The following OSBPL10 variants were observed in gnomAD, a reference collection of about 807,000 sequenced individuals.
OSBPL10 encodes the protein oxysterol binding protein like 10.
Under a neutral mutation model 81.7 loss-of-function variants are expected in OSBPL10, and 49 were observed. The ratio of observed to expected loss-of-function variants is 0.60; its 90% CI spans 0.48 to 0.76. OSBPL10 has a LOEUF of 0.76. Ranked by LOEUF, OSBPL10 falls within the 30% of genes least tolerant of loss-of-function variation. OSBPL10 has a pLI of 0.00. For synonymous variants in OSBPL10, 419 were observed against 383.6 expected (o/e 1.09, Z -1.08); for missense variants, 923 against 987.8 (o/e 0.93, Z 0.88).
chr3:31,723,493 C>T (rs1321408213), intron 6 of OSBPL10, among the ~76,000 whole-genome samples: 2 of 151,460 alleles, frequency 1.3e-5, no homozygotes, highest in Non-Finnish European at 2.9e-5. Flanking sequence ...AAAACACTGC[C>T]AGAACTTAAA....
chr3:31,914,241 C>T (rs190572452), intron 1 of OSBPL10, among the ~76,000 whole-genome samples: 371 of 152,148 alleles, frequency 2.4e-3, no homozygotes, highest in Non-Finnish European at 4.0e-3. Context: ...ATTTTTAAGA[C>T]GGTCCTAACC....
intron 2 of OSBPL10, 33 bp from the exon 3 acceptor site, chr3:31,876,545 G>A (rs1386095527): frequency 6.4e-7 from 1 of 1,565,200 alleles, no homozygotes; most frequent in South Asian, 1.1e-5. Flanking sequence ...AGAAATGATT[G>A]CAGAGATTGT....
intron 2 of OSBPL10, among the ~76,000 whole-genome samples, chr3:32,012,866 A>G (rs557430037): frequency 1.7e-4 from 26 of 152,332 alleles, no homozygotes; most frequent in African/African-American, 6.0e-4. Context: ...ATAATGGTAA[A>G]GGGATCAATT....
chr3:31,777,714 A>C (rs1170232700), intron 4 of OSBPL10, among the ~76,000 whole-genome samples: 1 of 152,242 alleles, frequency 6.6e-6, no homozygotes, highest in Non-Finnish European at 1.5e-5. Context: ...GTGAGGGGAG[A>C]AACCTGCCTC....
chr3:31,698,097 T>TCA (rs1250443791), intron 7 of OSBPL10, among the ~76,000 whole-genome samples: 4 of 152,146 alleles, frequency 2.6e-5, no homozygotes, highest in African/African-American at 4.8e-5. Context: ...CCCCTGCTGT[T>TCA]CACACCCTAG....
At chr3:31,959,662 C>T (rs934892776) in intron 1 of OSBPL10, among the ~76,000 whole-genome samples, 23 of 152,188 alleles carry the variant, frequency 1.5e-4, no homozygotes, top group African/African-American at 5.6e-4. Flanking sequence ...TTTAGCATCA[C>T]CTTTCTGGAG....
intron 1 of OSBPL10, among the ~76,000 whole-genome samples, chr3:31,905,895 GA>G (rs59527757): frequency 4.5e-4 from 65 of 144,398 alleles, no homozygotes; most frequent in Admixed American, 1.0e-3. Flanking sequence ...CTCAAAGAAG[GA>G]AAAAAAAAAA....
At chr3:31,835,207 C>T (rs532729832) in intron 3 of OSBPL10, among the ~76,000 whole-genome samples, 2 of 152,256 alleles carry the variant, frequency 1.3e-5, no homozygotes, top group South Asian at 4.2e-4. Context: ...AAAAAAAATG[C>T]TCTTAAAATA....
intron 8 of OSBPL10, among the ~76,000 whole-genome samples, chr3:31,674,864 G>A (rs1031064635): frequency 6.6e-6 from 1 of 152,180 alleles, no homozygotes; most frequent in African/African-American, 2.4e-5. Flanking sequence ...CCATCCTCTC[G>A]AGTGTACTGT....
At chr3:31,840,684 C>T (rs747709535) in intron 3 of OSBPL10, among the ~76,000 whole-genome samples, 30 of 152,220 alleles carry the variant, frequency 2.0e-4, no homozygotes, top group Non-Finnish European at 3.8e-4. Flanking sequence ...AGGCAATTTT[C>T]CTAAAAACAC....
At chr3:31,921,674 G>A (rs1211261751) in intron 1 of OSBPL10, among the ~76,000 whole-genome samples, 1 of 152,148 alleles carries the variant, frequency 6.6e-6, no homozygotes, top group Non-Finnish European at 1.5e-5. Flanking sequence ...GCAAATAAAT[G>A]ATGTAAAACC....
chr3:32,023,233 T>C (rs1383794749), intron 2 of OSBPL10, among the ~76,000 whole-genome samples: 2 of 152,020 alleles, frequency 1.3e-5, no homozygotes, highest in Non-Finnish European at 2.9e-5. Flanking sequence ...CAATGGGAGG[T>C]AATTGAATCA....
chr3:31,972,178 C>G (rs1357586407), intron 1 of OSBPL10, among the ~76,000 whole-genome samples: 1 of 152,196 alleles, frequency 6.6e-6, no homozygotes, highest in Non-Finnish European at 1.5e-5. Flanking sequence ...CACCTGAGGT[C>G]AGGAGATCAA....
chr3:31,898,537 G>A (rs1370945120), intron 1 of OSBPL10, among the ~76,000 whole-genome samples: 1 of 151,030 alleles, frequency 6.6e-6, no homozygotes, highest in African/African-American at 2.4e-5. Context: ...TTGAGCCCAG[G>A]AGTTCGAGAC....
At chr3:32,012,001 A>C (rs1242372656) in intron 2 of OSBPL10, among the ~76,000 whole-genome samples, 5 of 152,214 alleles carry the variant, frequency 3.3e-5, no homozygotes, top group African/African-American at 1.2e-4. Flanking sequence ...AGAATGCAAC[A>C]AAGTTGGAAA....
chr3:31,806,222 TC>T (rs976229954), intron 4 of OSBPL10, among the ~76,000 whole-genome samples: 1 of 152,116 alleles, frequency 6.6e-6, no homozygotes, highest in Non-Finnish European at 1.5e-5. Context: ...CCCTCAGCCC[TC>T]CCAGCAGCCT....
At chr3:31,759,455 A>G (rs186565517) in intron 4 of OSBPL10, among the ~76,000 whole-genome samples, 27 of 152,340 alleles carry the variant, frequency 1.8e-4, no homozygotes, top group Admixed American at 1.6e-3. Context: ...TCTTTTTAAT[A>G]CAAAAGAATA....
intron 3 of OSBPL10, among the ~76,000 whole-genome samples, chr3:31,838,307 G>A (rs541538114): frequency 8.5e-5 from 13 of 152,078 alleles, no homozygotes; most frequent in Admixed American, 2.0e-4. Flanking sequence ...TCAGGAGATC[G>A]AGACCATCCT....
Position 31,769,469 on chromosome 3 carries a change from AC to A in OSBPL10, c.730-21350del, listed in dbSNP as rs1156811648. On this transcript the variant is annotated intron_variant, in intron 4 of 11. Transcript: ENST00000396556. ...TCAAAAAAAAAAAAACAAAAAAAAA[AC>A]AAAAAAAAACAGAATAAAAATATAT... is the stretch of plus-strand genomic sequence containing the variant. 1.4e-3 allele frequency among the ~76,000 whole-genome samples: 53 copies of A among 36,928 alleles called. 11 individuals carry two copies. The East Asian group carries it at 0.062, about 44-fold the overall frequency. The allele number at this position is 36,928 out of a possible 152,430, so 24.2% of individuals were successfully genotyped here.
Sources: allele counts gnomAD v4.1 joint callset (sites outside exome capture counted in the v4.1 genomes callset), GRCh38; gene constraint gnomAD v4.1.1; transcripts MANE v1.5; gene names NCBI Gene and HGNC (gene_info 2026-07-23, HGNC 2026-07-21).